AKAP11: variants seen among roughly 807,000 people sequenced by gnomAD.
AKAP11 encodes A-kinase anchoring protein 11.
A neutral mutation model predicts 146.1 loss-of-function variants in AKAP11; 36 were observed. That is an observed-to-expected ratio of 0.25 (90% CI 0.19 to 0.33). The LOEUF (loss-of-function observed/expected upper bound fraction) is 0.33. Among genes scored for constraint, AKAP11 ranks in the 10% least tolerant of loss-of-function variants. The pLI is 1.00. For synonymous variants in AKAP11, 780 were observed against 786.5 expected (o/e 0.99, Z 0.14); for missense variants, 2,201 against 2,197.0 (o/e 1.00, Z -0.04).
At chr13:42,314,001 T>C in intron 11 of AKAP11, 61 bp downstream of exon 11, 1 of 1,533,448 alleles carries the variant, frequency 6.5e-7, no homozygotes. Flanking sequence ...CCTAGAAGAG[T>C]CTTTATGCAT....
chr13:42,279,993 CA>C (rs1959025818), intron 1 of AKAP11, among the ~76,000 whole-genome samples: 1 of 152,214 alleles, frequency 6.6e-6, no homozygotes, highest in South Asian at 2.1e-4. Flanking sequence ...TTACCTGATA[CA>C]TTACAAGGTT....
intron 8 of AKAP11, among the ~76,000 whole-genome samples, chr13:42,304,444 G>T (rs1960144997): frequency 6.6e-6 from 1 of 152,160 alleles, no homozygotes. Context: ...GATGCTATCT[G>T]CAGTTTCAGA....
At chr13:42,287,475 G>A (rs2025295) in intron 3 of AKAP11, among the ~76,000 whole-genome samples, 59,889 of 151,544 alleles carry the variant, frequency 0.4, 12,283 homozygotes, top group East Asian at 0.63. Context: ...TAGTAGAGAC[G>A]GGGTTTCACC....
At chr13:42,303,950 A>G in intron 8 of AKAP11, 87 bp downstream of exon 8, 2 of 1,424,112 alleles carry the variant, frequency 1.4e-6, no homozygotes, top group Non-Finnish European at 9.3e-7. Flanking sequence ...TCATAAAGGA[A>G]TGATTATTTT....
chr13:42,303,740 A>G lies in AKAP11; in HGVS notation c.4994A>G (p.Glu1665Gly). The G allele has an allele frequency of 6.2e-7, 1 of 1,614,116 alleles. No homozygotes were observed. The highest frequency in any genetic ancestry group is 8.5e-7 in the Non-Finnish European group (1 of 1,180,002). Residue 1665 changes from glutamate to glycine, a missense_variant, in exon 8 of 13, where the codon GAG becomes GGG. Physicochemically the swap from Glu to Gly is moderately conservative, Grantham distance 98. Coordinates refer to ENST00000025301, the MANE Select transcript of AKAP11 (RefSeq NM_016248.4). ...GAAGCCATTGAAAAAGCTGAGCGAG[A>G]GCTGAGCAGTACCAGCCTGGCAGCC... The part of the protein sequence containing the change: ...VAEAIEKAER[E>G]LSSTSLAADS...
chr13:42,320,329 C>T lies in AKAP11; in HGVS notation c.*1101C>T, dbSNP rs1961032713. On this transcript the variant is annotated 3_prime_UTR_variant, in exon 13 of 13. Coordinates refer to ENST00000025301, the MANE Select transcript of AKAP11 (RefSeq NM_016248.4). The stretch of plus-strand genomic sequence containing the variant: ...GGATTTCCCCCCACCCCGCCCCACC[C>T]AGATAAACTATATCTACACTGTCTC... 1 of 147,676 alleles carries T rather than the reference C, an allele frequency of 6.8e-6. No individual in the cohort carries two copies. Among genetic ancestry groups the T allele is most frequent in the Non-Finnish European group, 1.5e-5 (1 of 66,904 alleles). 9.1% of individuals were successfully genotyped at this position (147,676 alleles called of 1,614,324 possible). A position where few individuals can be genotyped will look rare whatever the true frequency, so the allele number is the denominator to read the frequency against.
chr13:42,300,828 T>G lies in AKAP11; in HGVS notation c.2082T>G (p.Ser694=). The change falls in exon 8 of 13, where the codon TCT becomes TCG. Residue 694 remains serine, a synonymous_variant. Transcript: ENST00000025301. Reference sequence around the variant, plus strand: ...TGAAGTTGTATGCAAAAGATTTGTCTGAATCTGTAATACAGGAAGCATTCA... The same window carrying G: ...TGAAGTTGTATGCAAAAGATTTGTCGGAATCTGTAATACAGGAAGCATTCA... ...KVVKLYAKDL[S]ESVIQEAFIE... The G allele has an allele frequency of 6.2e-7, 1 of 1,614,182 alleles. No homozygotes were observed. The highest frequency in any genetic ancestry group is 1.3e-5 in the African/African-American group (1 of 75,064).
rs1961064928 is a variant in AKAP11 at position 42,321,003 on chromosome 13, T to C, written c.*1775T>C. The C allele has an allele frequency of 6.6e-6, 1 of 152,316 alleles. No individual in the cohort carries two copies. Among genetic ancestry groups the C allele is most frequent in the South Asian group, 2.1e-4 (1 of 4,830 alleles). 9.4% of individuals were successfully genotyped at this position (152,316 alleles called of 1,614,324 possible). A position where few individuals can be genotyped will look rare whatever the true frequency, so the allele number is the denominator to read the frequency against. On this transcript the variant is annotated 3_prime_UTR_variant, in exon 13 of 13. Coordinates refer to ENST00000025301, the MANE Select transcript of AKAP11 (RefSeq NM_016248.4). ...TCAAGTATTTTTTAAGGTGGAGAAATGCAGGAATTGTATAACCAGAATTGT... is the reference window on the plus strand; with the variant it reads ...TCAAGTATTTTTTAAGGTGGAGAAACGCAGGAATTGTATAACCAGAATTGT...
In AKAP11 at chr13:42,300,259, C is replaced by A. The variant is rs777398911; in HGVS notation, c.1513C>A (p.Arg505Ser). 1.9e-6 allele frequency: 3 copies of A among 1,613,686 alleles called. No individual in the cohort carries two copies. Among genetic ancestry groups the A allele is most frequent in the Non-Finnish European group, 2.5e-6 (3 of 1,179,848 alleles). The change falls in exon 8 of 13, where the codon CGT becomes AGT. Residue 505 changes from arginine (R) to serine (S), a missense_variant. Coordinates refer to ENST00000025301, the MANE Select transcript of AKAP11 (RefSeq NM_016248.4). Reference sequence around the variant, plus strand: ...ATGTGAAGTACTAGGCTCAGTTCTTCGTACCCACCATACTAATACCCTATC... The same window carrying A: ...ATGTGAAGTACTAGGCTCAGTTCTTAGTACCCACCATACTAATACCCTATC... ...ISCEVLGSVL[R>S]THHTNTLSNI... is the part of the protein sequence containing the mutation.
chr13:42,303,475 G>A lies in AKAP11; in HGVS notation c.4729G>A (p.Glu1577Lys). Residue 1577 changes from glutamate (E) to lysine (K), a missense_variant, in exon 8 of 13, where the codon GAA (glutamate) becomes AAA (lysine). Transcript: ENST00000025301. ...ATCAGCAGACAGGGTCACTTATGCAGAAAAGTTGTCACCTCTTACAGGTCA... is the reference window on the plus strand; with the variant it reads ...ATCAGCAGACAGGGTCACTTATGCAAAAAAGTTGTCACCTCTTACAGGTCA... The part of the protein sequence containing the change: ...TKSADRVTYA[E>K]KLSPLTGQAC... The A allele has an allele frequency of 6.2e-7, 1 of 1,614,206 alleles. No individual in the cohort carries two copies. Among genetic ancestry groups the A allele is most frequent in the Non-Finnish European group, 8.5e-7 (1 of 1,180,030 alleles).
intron 11 of AKAP11, among the ~76,000 whole-genome samples, chr13:42,316,998 C>T (rs1392672052): frequency 6.6e-6 from 1 of 152,138 alleles, no homozygotes; most frequent in Non-Finnish European, 1.5e-5. Context: ...GTGCCACAGC[C>T]TCCTGAGTAG....
chr13:42,313,505 A>G (rs777704169), intron 10 of AKAP11, among the ~76,000 whole-genome samples: 1 of 152,204 alleles, frequency 6.6e-6, no homozygotes. Flanking sequence ...AAGTGTTTTT[A>G]CTGTATTAAA....
chr13:42,275,591 G>T (rs1056067454), intron 1 of AKAP11, among the ~76,000 whole-genome samples: 2 of 152,230 alleles, frequency 1.3e-5, no homozygotes, highest in African/African-American at 4.8e-5. Context: ...TGCAATTTGA[G>T]TTCTTCCTCT....
chr13:42,305,775 C>T (rs1960223669), intron 8 of AKAP11, among the ~76,000 whole-genome samples: 1 of 152,098 alleles, frequency 6.6e-6, no homozygotes, highest in Non-Finnish European at 1.5e-5. Flanking sequence ...AAAGATACCA[C>T]CTGAGACTGA....
In AKAP11 at chr13:42,300,370, A is replaced by G. The variant is rs952961146; in HGVS notation, c.1624A>G (p.Lys542Glu). ...TGATCAAAAAAATAAATCTAAAAAT[A>G]AATCCTTAATGATTAAAGATAGCAT... is the stretch of plus-strand genomic sequence containing the variant. The part of the protein sequence containing the change: ...NLDQKNKSKN[K>E]SLMIKDSIQK... The change falls in exon 8 of 13, where the codon AAA becomes GAA. Residue 542 changes from lysine (K) to glutamate (E), a missense_variant. Physicochemically the swap from Lys to Glu is moderately conservative, Grantham distance 56. Around this residue, in one of 3 missense-constraint regions of AKAP11, gnomAD observed 1,867 missense variants for 1,833.5 expected, o/e 1.02. Coordinates refer to ENST00000025301, the MANE Select transcript of AKAP11 (RefSeq NM_016248.4). The G allele has an allele frequency of 4.4e-6, 7 of 1,606,234 alleles. No individual in the cohort carries two copies. Among genetic ancestry groups the G allele is most frequent in the Non-Finnish European group, 5.9e-6 (7 of 1,177,792 alleles).
At chr13:42,275,155 T>C (rs1958884652) in intron 1 of AKAP11, among the ~76,000 whole-genome samples, 1 of 152,228 alleles carries the variant, frequency 6.6e-6, no homozygotes, top group Non-Finnish European at 1.5e-5. Context: ...TCTTCCAGTT[T>C]TTCTCTGGAA....
intron 1 of AKAP11, among the ~76,000 whole-genome samples, chr13:42,272,966 C>T (rs1179269828): frequency 6.6e-6 from 1 of 152,082 alleles, no homozygotes; most frequent in Non-Finnish European, 1.5e-5. Context: ...CCCATATTAC[C>T]AGCTTTCATT....
chr13:42,274,864 T>C (rs764187443), intron 1 of AKAP11, among the ~76,000 whole-genome samples: 3 of 152,220 alleles, frequency 2.0e-5, no homozygotes, highest in Admixed American at 6.5e-5. Flanking sequence ...ATGAGGTATA[T>C]TGTAAAGAGT....
chr13:42,312,961 CA>C, intron 9 of AKAP11, 85 bp from the exon 10 acceptor site: 1 of 1,116,266 alleles, frequency 9.0e-7, no homozygotes. Flanking sequence ...CTGCAGTTAT[CA>C]AGGACAGAAG....
Sources: allele counts gnomAD v4.1 joint callset (sites outside exome capture counted in the v4.1 genomes callset), GRCh38; gene constraint gnomAD v4.1.1; regional missense constraint gnomAD v4.1.1; transcripts MANE v1.5; gene names NCBI Gene and HGNC (gene_info 2026-07-23, HGNC 2026-07-21).